FBXL17: variants seen among roughly 807,000 people sequenced by gnomAD.
FBXL17 encodes F-box/LRR-repeat protein 17.
Under a neutral mutation model 66.2 loss-of-function variants are expected in FBXL17, and 22 were observed. The ratio of observed to expected loss-of-function variants is 0.33; its 90% CI spans 0.24 to 0.47. The LOEUF is 0.47. Among genes scored for constraint, FBXL17 ranks in the 20% least tolerant of loss-of-function variants. The pLI is 1.00. For missense variants in FBXL17, 878 were observed against 948.2 expected (o/e 0.93, Z 0.97); for synonymous variants, 474 against 400.5 (o/e 1.18, Z -2.19).
intron 6 of FBXL17, among the ~76,000 whole-genome samples, chr5:108,057,923 C>T (rs927456625): frequency 1.3e-5 from 2 of 152,116 alleles, no homozygotes; most frequent in Admixed American, 6.6e-5. Flanking sequence ...CCATAAAAAA[C>T]ACCACGTGAG....
intron 7 of FBXL17, among the ~76,000 whole-genome samples, chr5:107,961,162 G>A (rs1422868790): frequency 1.3e-5 from 2 of 151,998 alleles, no homozygotes; most frequent in Non-Finnish European, 2.9e-5. Context: ...TTTAGGTGCT[G>A]TCAGCTGCTT....
intron 6 of FBXL17, among the ~76,000 whole-genome samples, chr5:108,122,106 T>C (rs1299146695): frequency 1.3e-5 from 2 of 152,168 alleles, no homozygotes; most frequent in Non-Finnish European, 2.9e-5. Flanking sequence ...AAAGGGCTTA[T>C]TATGTACCAG....
intron 7 of FBXL17, among the ~76,000 whole-genome samples, chr5:107,904,700 CTAA>C (rs1749695676): frequency 1.3e-5 from 2 of 151,842 alleles, no homozygotes; most frequent in African/African-American, 2.4e-5. Flanking sequence ...TTTATTCATG[CTAA>C]TAATAAAATG....
At chr5:108,240,684 T>C (rs758178812) in intron 4 of FBXL17, among the ~76,000 whole-genome samples, 21 of 152,242 alleles carry the variant, frequency 1.4e-4, no homozygotes, top group African/African-American at 4.6e-4. Context: ...CATCTACTGA[T>C]TGTAGAGTAC....
chr5:107,917,802 G>T (rs887590027), intron 7 of FBXL17, among the ~76,000 whole-genome samples: 4 of 151,906 alleles, frequency 2.6e-5, no homozygotes, highest in African/African-American at 4.8e-5. Flanking sequence ...TTTCTTTTTG[G>T]CTTATTCCAA....
chr5:108,340,605 G>GAT (rs1175281611), intron 4 of FBXL17, among the ~76,000 whole-genome samples: 1 of 152,056 alleles, frequency 6.6e-6, no homozygotes, highest in Non-Finnish European at 1.5e-5. Flanking sequence ...GGATAAATTT[G>GAT]ATACATAAAG....
intron 6 of FBXL17, among the ~76,000 whole-genome samples, chr5:108,031,860 G>A (rs1159862035): frequency 6.6e-6 from 1 of 152,104 alleles, no homozygotes; most frequent in Non-Finnish European, 1.5e-5. Context: ...GTGTGTGTGT[G>A]TTTAGAACCT....
At chr5:108,123,911 C>T (rs772594218) in intron 6 of FBXL17, among the ~76,000 whole-genome samples, 2 of 152,126 alleles carry the variant, frequency 1.3e-5, no homozygotes, top group African/African-American at 4.8e-5. Context: ...ACGGAACCTA[C>T]GGCTGAGAGT....
At chr5:108,211,722 G>C (rs1252140432) in intron 5 of FBXL17, among the ~76,000 whole-genome samples, 1 of 152,142 alleles carries the variant, frequency 6.6e-6, no homozygotes, top group Non-Finnish European at 1.5e-5. Context: ...GCTTCCCTTT[G>C]TGGGTAACCC....
At position 107,916,217 on chromosome 5, in the gene FBXL17, TTTG is replaced by T. The variant is rs1240486279; in HGVS notation, c.1823-35041_1823-35039del. ...GGTTTGGGACTACGATAATCAATCCTTTGTTTTCACAAGGTTTTATGAAATGTA... is the reference window on the plus strand; with the variant it reads ...GGTTTGGGACTACGATAATCAATCCTTTTTCACAAGGTTTTATGAAATGTA... On this transcript the variant is annotated intron_variant, in intron 7 of 8. Coordinates refer to ENST00000542267, the MANE Select transcript of FBXL17 (RefSeq NM_001163315.3). Among the ~76,000 whole-genome samples, 3 of 152,326 alleles carry T rather than the reference TTTG, an allele frequency of 2.0e-5. No individual in the cohort carries two copies. The East Asian group carries it at 5.8e-4, about 29-fold the overall frequency.
chr5:107,969,384 T>A (rs907124274), intron 7 of FBXL17, among the ~76,000 whole-genome samples: 1 of 151,962 alleles, frequency 6.6e-6, no homozygotes, highest in Non-Finnish European at 1.5e-5. Flanking sequence ...CCAGAAAAAA[T>A]GACTCATTAT....
intron 1 of FBXL17, among the ~76,000 whole-genome samples, chr5:108,375,906 AG>A (rs1344935379): frequency 2.6e-5 from 4 of 152,218 alleles, no homozygotes; most frequent in African/African-American, 9.7e-5. Flanking sequence ...GTATAGTAGA[AG>A]GGTTATACAC....
intron 7 of FBXL17, among the ~76,000 whole-genome samples, chr5:107,977,742 T>A (rs780246498): frequency 1.3e-5 from 2 of 152,222 alleles, no homozygotes; most frequent in Admixed American, 6.5e-5. Flanking sequence ...ATAACTTTCA[T>A]CAGATAATGA....
chr5:108,362,089 T>C (rs1748378827), intron 3 of FBXL17, among the ~76,000 whole-genome samples: 1 of 152,164 alleles, frequency 6.6e-6, no homozygotes, highest in African/African-American at 2.4e-5. Context: ...TTTAGGCTTG[T>C]TTTTCAATGT....
chr5:108,364,609 T>C (rs1748544721), intron 3 of FBXL17, 129 bp downstream of exon 3: 1 of 697,542 alleles, frequency 1.4e-6, no homozygotes, highest in Non-Finnish European at 2.4e-6. Flanking sequence ...AAATATTCAT[T>C]AATAGGTAAA....
intron 4 of FBXL17, among the ~76,000 whole-genome samples, chr5:108,319,008 A>G (rs1470165240): frequency 2.0e-5 from 3 of 151,896 alleles, no homozygotes; most frequent in Non-Finnish European, 4.4e-5. Flanking sequence ...GAGTTCACAC[A>G]TGGAGCATTC....
At chr5:108,309,217 T>C (rs1758998635) in intron 4 of FBXL17, among the ~76,000 whole-genome samples, 1 of 152,046 alleles carries the variant, frequency 6.6e-6, no homozygotes, top group Non-Finnish European at 1.5e-5. Flanking sequence ...TAAGAGATAG[T>C]GTAAATAAGC....
chr5:107,874,151 G>T (rs1424439646), intron 8 of FBXL17, among the ~76,000 whole-genome samples: 1 of 151,962 alleles, frequency 6.6e-6, no homozygotes, highest in Non-Finnish European at 1.5e-5. Context: ...TGCAAGTCTG[G>T]CTGTAATTTA....
chr5:108,316,195 G>A (rs1759354334), intron 4 of FBXL17, among the ~76,000 whole-genome samples: 1 of 151,240 alleles, frequency 6.6e-6, no homozygotes, highest in Non-Finnish European at 1.5e-5. Flanking sequence ...ATGCTTGCTT[G>A]CATGACCCTC....
Sources: allele counts gnomAD v4.1 joint callset (sites outside exome capture counted in the v4.1 genomes callset), GRCh38; gene constraint gnomAD v4.1.1; transcripts MANE v1.5; gene names NCBI Gene and HGNC (gene_info 2026-07-23, HGNC 2026-07-21).